The following TRAT1 variants were observed in gnomAD, a reference collection of about 807,000 sequenced individuals.
TRAT1 encodes T-cell receptor-associated transmembrane adapter 1.
Under a neutral mutation model 20.0 loss-of-function variants are expected in TRAT1, and 20 were observed. That is an observed-to-expected ratio of 1.00 (90% CI 0.70 to 1.45). The LOEUF (loss-of-function observed/expected upper bound fraction) is 1.45, where lower values mean the gene tolerates loss of function less well. TRAT1 is among the 40% of genes most tolerant of loss of function. The probability of loss-of-function intolerance (pLI) is 0.00; values close to 1 mark genes in which losing one functional copy is unlikely to be tolerated. For missense variants in TRAT1, 237 were observed against 224.1 expected (o/e 1.06, Z -0.37); for synonymous variants, 77 against 74.2 (o/e 1.04, Z -0.20).
intron 5 of TRAT1, among the ~76,000 whole-genome samples, chr3:108,852,886 G>T (rs1176886390): frequency 2.0e-5 from 3 of 152,176 alleles, no homozygotes; most frequent in African/African-American, 7.2e-5. Context: ...CAAATTCAAG[G>T]TCTTGCCTTT....
chr3:108,834,639 G>A (rs1945823125), intron 2 of TRAT1, among the ~76,000 whole-genome samples: 1 of 152,118 alleles, frequency 6.6e-6, no homozygotes, highest in South Asian at 2.1e-4. Context: ...CCTGTATCTG[G>A]CCTCATATAA....
intron 5 of TRAT1, among the ~76,000 whole-genome samples, chr3:108,850,348 A>C (rs1945987526): frequency 6.7e-6 from 1 of 148,900 alleles, no homozygotes; most frequent in South Asian, 2.1e-4. Context: ...TTTGTCGCCC[A>C]GGCTGGAGTG....
chr3:108,843,226 C>A (rs1234232482), intron 3 of TRAT1, among the ~76,000 whole-genome samples: 1 of 152,178 alleles, frequency 6.6e-6, no homozygotes, highest in Non-Finnish European at 1.5e-5. Flanking sequence ...AAAAAACCAA[C>A]CATCTCCTTA....
intron 4 of TRAT1, among the ~76,000 whole-genome samples, chr3:108,847,790 C>A (rs1576524767): frequency 6.6e-6 from 1 of 152,130 alleles, no homozygotes; most frequent in East Asian, 1.9e-4. Context: ...CCTTTCCCTG[C>A]AAGTACTCAT....
Position 108,849,236 on chromosome 3 carries a change from A to G in TRAT1, c.285A>G (p.Glu95=). ...AGAAATCTGTAAATAAGATGCAGGAAGCCACCCCATCTGCACAGGTGAGTT... is the reference window on the plus strand; with the variant it reads ...AGAAATCTGTAAATAAGATGCAGGAGGCCACCCCATCTGCACAGGTGAGTT... The part of the protein sequence containing the change: ...RPEKSVNKMQ[E]ATPSAQATNE... The change falls in exon 5 of 6, where the codon GAA becomes GAG. Residue 95 remains glutamate (E), a synonymous_variant. Transcript: ENST00000295756. The G allele has an allele frequency of 6.2e-7, 1 of 1,614,118 alleles. No homozygotes were observed. Among genetic ancestry groups the G allele is most frequent in the South Asian group, 1.1e-5 (1 of 91,074 alleles).
At chr3:108,853,412 T>C (rs1946014824) in intron 5 of TRAT1, among the ~76,000 whole-genome samples, 1 of 152,212 alleles carries the variant, frequency 6.6e-6, no homozygotes, top group African/African-American at 2.4e-5. Context: ...AAAAGTTTCA[T>C]CTAAGCACTT....
At position 108,834,930 on chromosome 3, in the gene TRAT1, A is replaced by G. The variant is rs183239864; in HGVS notation, c.119-4004A>G. 3.5e-4 allele frequency among the ~76,000 whole-genome samples: 54 copies of G among 152,286 alleles called. 2 individuals carry two copies. The East Asian group carries it at 9.5e-3, about 27-fold the overall frequency. ...CATTTTTTATGTGATTCTTTGTTCA[A>G]ATCTGTTCTTTAGGAGGATTATATT... is the stretch of plus-strand genomic sequence containing the variant. On this transcript the variant is annotated intron_variant, in intron 2 of 5. Transcript: ENST00000295756.
At chr3:108,839,109 C>G in intron 3 of TRAT1, 142 bp downstream of exon 3, 1 of 654,908 alleles carries the variant, frequency 1.5e-6, no homozygotes, top group East Asian at 2.8e-5. Context: ...CTTTTACTCT[C>G]ATCTAAAGAT....
chr3:108,852,987 G>T (rs573860011), intron 5 of TRAT1, among the ~76,000 whole-genome samples: 3 of 152,210 alleles, frequency 2.0e-5, no homozygotes, highest in Non-Finnish European at 4.4e-5. Context: ...GGCCCTCTTG[G>T]ATGTGAATGG....
At chr3:108,833,799 TA>T in intron 2 of TRAT1, among the ~76,000 whole-genome samples, 1 of 146,744 alleles carries the variant, frequency 6.8e-6, no homozygotes, top group East Asian at 2.0e-4. Context: ...TTGTAAGAAT[TA>T]CACACACACA....
chr3:108,829,145 T>C (rs1185336434), intron 1 of TRAT1, among the ~76,000 whole-genome samples: 2 of 152,190 alleles, frequency 1.3e-5, no homozygotes, highest in Non-Finnish European at 2.9e-5. Flanking sequence ...ATCCATTAAA[T>C]GCTTAATTTT....
chr3:108,832,503 G>C (rs1231724680), intron 2 of TRAT1, among the ~76,000 whole-genome samples: 1 of 152,126 alleles, frequency 6.6e-6, no homozygotes, highest in African/African-American at 2.4e-5. Context: ...TGAGCTCAGA[G>C]TAGCACTTTG....
intron 3 of TRAT1, among the ~76,000 whole-genome samples, chr3:108,841,797 C>T (rs1945898933): frequency 6.6e-6 from 1 of 152,060 alleles, no homozygotes; most frequent in African/African-American, 2.4e-5. Flanking sequence ...ATTCTTGGGT[C>T]ACTTTATTTC....
At position 108,853,899 on chromosome 3, in the gene TRAT1, T is replaced by C. The variant is rs1020968393; in HGVS notation, c.*22T>C. 1.2e-6 allele frequency: 2 copies of C among 1,609,690 alleles called. No individual in the cohort carries two copies. Among genetic ancestry groups the C allele is most frequent in the Non-Finnish European group, 1.7e-6 (2 of 1,176,884 alleles). On this transcript the variant is annotated 3_prime_UTR_variant, in exon 6 of 6. Transcript: ENST00000295756. ...CTAGCTGGACCATGATCTAGTTCAA[T>C]GATTTGGCTCCTATTGAAGATGGCT...
chr3:108,846,876 C>G (rs773905660), intron 3 of TRAT1, among the ~76,000 whole-genome samples, 192 bp from the exon 4 acceptor site: 1 of 152,186 alleles, frequency 6.6e-6, no homozygotes, highest in African/African-American at 2.4e-5. Flanking sequence ...TAAATTCACA[C>G]GGAACACAGA....
intron 1 of TRAT1, among the ~76,000 whole-genome samples, chr3:108,829,307 G>A (rs972525270): frequency 1.3e-5 from 2 of 151,994 alleles, no homozygotes; most frequent in Non-Finnish European, 2.9e-5. Flanking sequence ...GGTCTGGCTG[G>A]GCTCAGTGTC....
intron 3 of TRAT1, among the ~76,000 whole-genome samples, chr3:108,839,511 T>C (rs1467251260): frequency 1.3e-5 from 2 of 152,072 alleles, no homozygotes; most frequent in Non-Finnish European, 2.9e-5. Context: ...CTGGGCGTGG[T>C]GGCACATGCC....
At chr3:108,837,474 G>T (rs879626282) in intron 2 of TRAT1, among the ~76,000 whole-genome samples, 5 of 152,136 alleles carry the variant, frequency 3.3e-5, no homozygotes, top group Non-Finnish European at 7.3e-5. Context: ...CCTCTCTGGA[G>T]AATAACTCAA....
chr3:108,845,239 G>A (rs1348414060), intron 3 of TRAT1, among the ~76,000 whole-genome samples: 2 of 152,128 alleles, frequency 1.3e-5, no homozygotes, highest in Non-Finnish European at 2.9e-5. Flanking sequence ...TATTTGAGAT[G>A]ATTAATCATT....
Sources: gnomAD v4.1 joint callset for allele counts (sites outside exome capture counted in the v4.1 genomes callset) on GRCh38, gnomAD v4.1.1 for gene constraint, MANE v1.5 for transcripts, NCBI Gene and HGNC (gene_info 2026-07-23, HGNC 2026-07-21) for gene names.